The following ELOF1 variants were observed in gnomAD, a reference collection of about 807,000 sequenced individuals.
The protein encoded by ELOF1 is elongation factor 1.
A neutral mutation model predicts 7.1 loss-of-function variants in ELOF1; 4 were observed. The observed-to-expected ratio is 0.56, with a 90% CI of 0.28 to 1.29. The LOEUF is 1.29. Ranked by LOEUF, ELOF1 falls within the 50% of genes most tolerant of loss-of-function variation. The pLI is 0.10. For missense variants in ELOF1, 59 were observed against 86.3 expected (o/e 0.68, Z 1.25); for synonymous variants, 31 against 31.9 (o/e 0.97, Z 0.09).
chr19:11,557,352 T>G (rs1175570739), intron 1 of ELOF1, among the ~76,000 whole-genome samples: 2 of 152,092 alleles, frequency 1.3e-5, no homozygotes, highest in African/African-American at 4.8e-5. Flanking sequence ...TCCCAGCACT[T>G]TGGGAGGCCA....
chr19:11,553,478 G>C, intron 3 of ELOF1: 1 of 584,576 alleles, frequency 1.7e-6, no homozygotes, highest in Non-Finnish European at 3.1e-6. Flanking sequence ...CCAGGAACCC[G>C]ACACCACCGC....
intron 3 of ELOF1, chr19:11,553,398 G>A (rs947093172): frequency 6.5e-6 from 3 of 461,958 alleles, no homozygotes; most frequent in African/African-American, 5.8e-5. Flanking sequence ...CAAGGCTGGG[G>A]GGCCAGGGGC....
intron 3 of ELOF1, chr19:11,553,691 G>T (rs1259774474): frequency 6.2e-7 from 1 of 1,609,708 alleles, no homozygotes. Flanking sequence ...GACCAGAACC[G>T]AACAGCTGGA....
At chr19:11,555,727 G>A (rs944581629) in intron 1 of ELOF1, 1 of 152,550 alleles carries the variant, frequency 6.6e-6, no homozygotes, top group South Asian at 2.1e-4. Flanking sequence ...GAGCTACAAG[G>A]AGTGAAAGGA....
chr19:11,554,637 G>C (rs1017237315), intron 1 of ELOF1: 1 of 492,648 alleles, frequency 2.0e-6, no homozygotes, highest in Non-Finnish European at 3.5e-6. Flanking sequence ...CAGTTTCCTC[G>C]TCTATAAAAC....
chr19:11,554,411 G>A (rs558457403), intron 1 of ELOF1, 46 bp from the exon 2 acceptor site: 15 of 1,591,600 alleles, frequency 9.4e-6, no homozygotes, highest in African/African-American at 4.0e-5. Context: ...ACCACGCAGC[G>A]CCCCAGCTCA....
chr19:11,557,613 G>C (rs1325396996), intron 1 of ELOF1, among the ~76,000 whole-genome samples: 2 of 115,422 alleles, frequency 1.7e-5, no homozygotes, highest in Non-Finnish European at 3.3e-5. Context: ...AAAAAAAAAA[G>C]GCTGAGTGCA....
chr19:11,554,546 G>A (rs1201410418), intron 1 of ELOF1, 181 bp from the exon 2 acceptor site: 5 of 872,832 alleles, frequency 5.7e-6, no homozygotes, highest in Non-Finnish European at 8.5e-6. Context: ...CACTCTGGAT[G>A]GAAGGGGTGA....
intron 1 of ELOF1, chr19:11,555,394 T>C (rs988607708): frequency 6.5e-6 from 1 of 153,012 alleles, no homozygotes; most frequent in Non-Finnish European, 1.5e-5. Context: ...AGGAAGCCAC[T>C]GTTCCTGGGG....
intron 1 of ELOF1, chr19:11,555,040 C>A: frequency 6.3e-6 from 1 of 157,892 alleles, no homozygotes; most frequent in Non-Finnish European, 1.4e-5. Flanking sequence ...GGGCGGATCA[C>A]GAGGTCAGGA....
intron 3 of ELOF1, chr19:11,553,588 C>CT: frequency 1.7e-4 from 6 of 35,772 alleles, no homozygotes; most frequent in Non-Finnish European, 2.5e-4. Context: ...CCACTACACA[C>CT]ACACACACAC....
At chr19:11,553,058 G>C (rs141367113) in intron 3 of ELOF1, 1 of 399,494 alleles carries the variant, frequency 2.5e-6, no homozygotes, top group East Asian at 3.6e-5. Flanking sequence ...TGCGCTGGCT[G>C]CTTTATTTAA....
At chr19:11,554,124 G>A in intron 2 of ELOF1, 43 bp from the exon 3 acceptor site, 1 of 1,614,110 alleles carries the variant, frequency 6.2e-7, no homozygotes. Context: ...AATGCGTCCT[G>A]GGCCTGTGGG....
exon 2 of ELOF1, chr19:11,554,279 C>G: frequency 6.2e-7 from 1 of 1,613,940 alleles, no homozygotes; most frequent in South Asian, 1.1e-5. Flanking sequence ...GGCAGGTGAA[C>G]TGGGTCTCGA....
chr19:11,553,793 C>T, intron 3 of ELOF1: 1 of 1,614,184 alleles, frequency 6.2e-7, no homozygotes, highest in Non-Finnish European at 8.5e-7. Context: ...CTGTACACAT[C>T]CACGGGTTCT....
intron 3 of ELOF1, chr19:11,553,580 A>G: frequency 1.4e-6 from 1 of 696,158 alleles, no homozygotes; most frequent in Non-Finnish European, 2.3e-6. Flanking sequence ...ACGCACACCC[A>G]CTACACACAC....
At chr19:11,554,511 G>C in intron 1 of ELOF1, 146 bp from the exon 2 acceptor site, 10 of 1,153,078 alleles carry the variant, frequency 8.7e-6, no homozygotes, top group Non-Finnish European at 1.2e-5. Flanking sequence ...CCTCAGTCCT[G>C]ATGCAGGAGG....
At chr19:11,553,759 GCCTCGCAGGCGTCTAT>G (rs753183271) in intron 3 of ELOF1, 50 of 1,614,070 alleles carry the variant, frequency 3.1e-5, no homozygotes, top group Non-Finnish European at 4.1e-5. Flanking sequence ...CTGATTGGCC[GCCTCGCAGGCGTCTAT>G]CCAATCACTG....
intron 3 of ELOF1, 44 bp downstream of exon 3, chr19:11,553,967 C>A (rs774246380): frequency 1.4e-5 from 23 of 1,613,642 alleles, no homozygotes; most frequent in Non-Finnish European, 1.9e-5. Context: ...CGGACTCCAG[C>A]CCCCTCCCCA....
Sources: allele counts gnomAD v4.1 joint callset (sites outside exome capture counted in the v4.1 genomes callset), GRCh38; gene constraint gnomAD v4.1.1; transcripts MANE v1.5; gene names NCBI Gene and HGNC (gene_info 2026-07-23, HGNC 2026-07-21).